CFAP20DC: variants seen among roughly 807,000 people sequenced by gnomAD.
CFAP20DC encodes the protein protein CFAP20DC.
A neutral mutation model predicts 101.7 loss-of-function variants in CFAP20DC; 84 were observed. The observed-to-expected ratio is 0.83, with a 90% CI of 0.69 to 0.99. CFAP20DC has a LOEUF of 0.99. Ranked by LOEUF, CFAP20DC falls within the 50% of genes least tolerant of loss-of-function variation. The probability of loss-of-function intolerance (pLI) is 0.00; values close to 1 mark genes in which losing one functional copy is unlikely to be tolerated. For missense variants in CFAP20DC, 1,007 were observed against 970.3 expected (o/e 1.04, Z -0.50); for synonymous variants, 359 against 351.2 (o/e 1.02, Z -0.25).
chr3:58,786,438 G>T (rs1348765328), intron 15 of CFAP20DC, among the ~76,000 whole-genome samples: 1 of 151,980 alleles, frequency 6.6e-6, no homozygotes, highest in African/African-American at 2.4e-5. Context: ...GTCAATCATG[G>T]TCCAAAAATA....
chr3:58,906,329 T>C (rs776428931), intron 6 of CFAP20DC, among the ~76,000 whole-genome samples: 1 of 152,216 alleles, frequency 6.6e-6, no homozygotes, highest in Non-Finnish European at 1.5e-5. Context: ...TGTCCTTTTA[T>C]GTGTAATTGT....
chr3:58,806,755 C>G (rs777377357), intron 14 of CFAP20DC, among the ~76,000 whole-genome samples: 13 of 152,236 alleles, frequency 8.5e-5, no homozygotes, highest in Non-Finnish European at 1.8e-4. Flanking sequence ...CGAGCCGAAG[C>G]AGGGCGAAGC....
chr3:58,790,417 T>C (rs920159996), intron 15 of CFAP20DC, among the ~76,000 whole-genome samples: 1 of 152,170 alleles, frequency 6.6e-6, no homozygotes, highest in Non-Finnish European at 1.5e-5. Context: ...GGCATTCCTG[T>C]TTTCTCGCCC....
chr3:59,029,415 T>A (rs2093949213), intron 4 of CFAP20DC, among the ~76,000 whole-genome samples: 1 of 151,894 alleles, frequency 6.6e-6, no homozygotes, highest in Admixed American at 6.6e-5. Flanking sequence ...TAAAAGGGCT[T>A]TCTGAAGAAG....
intron 4 of CFAP20DC, among the ~76,000 whole-genome samples, chr3:58,959,448 G>C (rs1197256993): frequency 1.3e-5 from 2 of 152,170 alleles, no homozygotes; most frequent in Non-Finnish European, 2.9e-5. Context: ...TTTACAGTGT[G>C]AGGCAAGGTT....
chr3:58,972,673 T>A (rs950438271), intron 4 of CFAP20DC, among the ~76,000 whole-genome samples: 1 of 152,188 alleles, frequency 6.6e-6, no homozygotes, highest in African/African-American at 2.4e-5. Context: ...ACTCACCACC[T>A]GGGCATAATC....
chr3:58,926,739 G>A (rs971188067), intron 5 of CFAP20DC, among the ~76,000 whole-genome samples: 1 of 152,164 alleles, frequency 6.6e-6, no homozygotes, highest in Non-Finnish European at 1.5e-5. Flanking sequence ...CAGAGCTGTG[G>A]TTCAAGATGG....
At chr3:58,821,437 C>T (rs1436813556) in intron 14 of CFAP20DC, among the ~76,000 whole-genome samples, 1 of 152,066 alleles carries the variant, frequency 6.6e-6, no homozygotes, top group Non-Finnish European at 1.5e-5. Context: ...TGAACACAAA[C>T]AAATTCACAA....
intron 12 of CFAP20DC, among the ~76,000 whole-genome samples, chr3:58,857,445 C>T (rs1358225668): frequency 6.6e-6 from 1 of 152,154 alleles, no homozygotes; most frequent in African/African-American, 2.4e-5. Flanking sequence ...ATTCATCTTA[C>T]ATTTTTCCTA....
At chr3:58,867,777 T>A (rs2079817760) in intron 10 of CFAP20DC, 40 bp downstream of exon 10, 1 of 1,611,372 alleles carries the variant, frequency 6.2e-7, no homozygotes, top group South Asian at 1.1e-5. Flanking sequence ...TTGCCCTGAA[T>A]AATATACAGA....
chr3:58,857,296 T>C (rs184046318), intron 12 of CFAP20DC, among the ~76,000 whole-genome samples: 1 of 152,300 alleles, frequency 6.6e-6, no homozygotes, highest in African/African-American at 2.4e-5. Context: ...TGGTAAGAAG[T>C]GTATTTTTCC....
intron 4 of CFAP20DC, among the ~76,000 whole-genome samples, chr3:58,985,213 C>A (rs1388551122): frequency 6.6e-6 from 1 of 152,176 alleles, no homozygotes; most frequent in African/African-American, 2.4e-5. Flanking sequence ...CAGGTGTGAG[C>A]CACTGTGCTG....
intron 7 of CFAP20DC, among the ~76,000 whole-genome samples, chr3:58,877,284 A>T (rs959640593): frequency 1.3e-5 from 2 of 152,212 alleles, no homozygotes; most frequent in African/African-American, 4.8e-5. Flanking sequence ...CACCTCCTTC[A>T]AAGAGCTCAC....
intron 4 of CFAP20DC, among the ~76,000 whole-genome samples, chr3:58,956,893 G>A (rs1013628018): frequency 1.3e-5 from 2 of 152,116 alleles, no homozygotes; most frequent in African/African-American, 2.4e-5. Flanking sequence ...ATCATATCTC[G>A]TGAGAACTCA....
At chr3:58,940,901 T>A (rs144033165) in intron 4 of CFAP20DC, among the ~76,000 whole-genome samples, 6 of 152,338 alleles carry the variant, frequency 3.9e-5, no homozygotes, top group Admixed American at 6.5e-5. Flanking sequence ...ATGATATGTA[T>A]CTCCAATTAT....
intron 4 of CFAP20DC, among the ~76,000 whole-genome samples, chr3:58,958,937 C>T (rs1390434821): frequency 1.3e-5 from 2 of 151,838 alleles, no homozygotes; most frequent in African/African-American, 4.8e-5. Context: ...TCTTTTGAAA[C>T]ACAACATTTT....
chr3:58,940,687 T>A (rs941132319), intron 4 of CFAP20DC, among the ~76,000 whole-genome samples: 1 of 152,236 alleles, frequency 6.6e-6, no homozygotes, highest in Non-Finnish European at 1.5e-5. Flanking sequence ...TTGATTACTG[T>A]AGATTTAGAG....
Position 58,850,975 on chromosome 3 carries a change from G to C in CFAP20DC, c.1594-1566C>G, listed in dbSNP as rs566269465. ...AAGTGAAGCATGGGTAAAGGTGAGA[G>C]GGTTTGCTCTCAGTTGGGCAGGGGA... is the stretch of plus-strand genomic sequence containing the variant. On this transcript the variant is annotated intron_variant, in intron 12 of 16. Coordinates refer to ENST00000482387, the MANE Select transcript of CFAP20DC (RefSeq NM_001394063.1). Among the ~76,000 whole-genome samples, 4 of 152,262 alleles carry C rather than the reference G, an allele frequency of 2.6e-5. No individual in the cohort carries two copies. In the South Asian group the frequency reaches 6.3e-4, roughly 24 times the overall value.
At chr3:58,884,760 A>G in intron 6 of CFAP20DC, 51 bp from the exon 7 acceptor site, 1 of 1,417,332 alleles carries the variant, frequency 7.1e-7, no homozygotes, top group Non-Finnish European at 9.8e-7. Context: ...ATTTCTGCCA[A>G]ATGGACCTAT....
Sources: allele counts gnomAD v4.1 joint callset (sites outside exome capture counted in the v4.1 genomes callset), GRCh38; gene constraint gnomAD v4.1.1; transcripts MANE v1.5; gene names NCBI Gene and HGNC (gene_info 2026-07-23, HGNC 2026-07-21).